PPP1R1C: variants seen among roughly 807,000 people sequenced by gnomAD.
The protein encoded by PPP1R1C is protein phosphatase 1 regulatory subunit 1C.
PPP1R1C carries 15 observed loss-of-function variants against 17.4 expected under a neutral mutation model. The ratio of observed to expected loss-of-function variants is 0.86; its 90% CI spans 0.58 to 1.33. The LOEUF (loss-of-function observed/expected upper bound fraction) is 1.33, where lower values mean the gene tolerates loss of function less well. Ranked by LOEUF, PPP1R1C falls within the 40% of genes most tolerant of loss-of-function variation. PPP1R1C has a pLI of 0.00. For missense variants in PPP1R1C, 143 were observed against 130.0 expected (o/e 1.10, Z -0.48); for synonymous variants, 35 against 43.1 (o/e 0.81, Z 0.73).
intron 2 of PPP1R1C, among the ~76,000 whole-genome samples, chr2:182,060,837 G>A (rs1687828022): frequency 1.3e-5 from 2 of 152,070 alleles, no homozygotes; most frequent in Admixed American, 1.3e-4. Flanking sequence ...ACATCTTCCT[G>A]CTGTGGAAGG....
At chr2:181,971,071 G>A (rs1156506333) in intron 1 of PPP1R1C, among the ~76,000 whole-genome samples, 1 of 152,078 alleles carries the variant, frequency 6.6e-6, no homozygotes, top group Non-Finnish European at 1.5e-5. Context: ...ACCCCATTGT[G>A]ACCAGGCTGT....
At chr2:182,063,676 G>C in intron 3 of PPP1R1C, 55 bp from the exon 4 acceptor site, 1 of 1,332,514 alleles carries the variant, frequency 7.5e-7, no homozygotes, top group African/African-American at 1.4e-5. Context: ...AGGTCTGATG[G>C]CATCGTACTT....
intron 3 of PPP1R1C, among the ~76,000 whole-genome samples, chr2:182,061,863 C>A (rs1197226255): frequency 6.6e-6 from 1 of 151,972 alleles, no homozygotes; most frequent in Non-Finnish European, 1.5e-5. Flanking sequence ...GTATGTGGAG[C>A]CAAAAGTCTG....
chr2:182,089,673 C>T (rs1185447634), intron 4 of PPP1R1C, among the ~76,000 whole-genome samples: 3 of 151,976 alleles, frequency 2.0e-5, no homozygotes, highest in South Asian at 2.1e-4. Context: ...TTTAAAACAA[C>T]GATATTCAAA....
chr2:182,020,344 C>T (rs763915363), intron 2 of PPP1R1C, among the ~76,000 whole-genome samples: 1 of 152,076 alleles, frequency 6.6e-6, no homozygotes, highest in Non-Finnish European at 1.5e-5. Flanking sequence ...CATGTTCATG[C>T]GTTCTGGAAT....
chr2:182,020,962 A>G (rs77269369), intron 2 of PPP1R1C, among the ~76,000 whole-genome samples: 6,318 of 152,164 alleles, frequency 0.042, 447 homozygotes, highest in African/African-American at 0.14. Flanking sequence ...CTTGATATCT[A>G]AGCTTCTGTT....
chr2:182,012,312 T>C (rs1456013705), intron 2 of PPP1R1C, among the ~76,000 whole-genome samples: 4 of 152,056 alleles, frequency 2.6e-5, no homozygotes, highest in Non-Finnish European at 5.9e-5. Flanking sequence ...ATGTTTACAA[T>C]TGTTAAATCC....
chr2:182,052,728 G>A (rs1574413145), intron 2 of PPP1R1C, among the ~76,000 whole-genome samples: 1 of 152,128 alleles, frequency 6.6e-6, no homozygotes, highest in African/African-American at 2.4e-5. Flanking sequence ...TTAATCTTAG[G>A]ATTAGTATTT....
chr2:182,104,028 G>T (rs1689177850), intron 4 of PPP1R1C, among the ~76,000 whole-genome samples: 1 of 152,210 alleles, frequency 6.6e-6, no homozygotes, highest in African/African-American at 2.4e-5. Context: ...TGTGTTTGGT[G>T]ATCAGAAAGC....
intron 4 of PPP1R1C, among the ~76,000 whole-genome samples, chr2:182,070,026 C>T (rs1688096316): frequency 6.6e-6 from 1 of 152,136 alleles, no homozygotes; most frequent in Non-Finnish European, 1.5e-5. Context: ...GGAGACCAGT[C>T]TGGAGGAAGC....
chr2:182,045,267 A>T lies in PPP1R1C; in HGVS notation c.143-16175A>T, dbSNP rs557151315. 8.4e-4 allele frequency among the ~76,000 whole-genome samples: 128 copies of T among 152,344 alleles called. 2 individuals are homozygous for T. The highest frequency in any genetic ancestry group is 6.4e-3 in the Admixed American group (98 of 15,298). On this transcript the variant is annotated intron_variant, in intron 2 of 4. Transcript: ENST00000682840. ...ATCCTTCAATCTTTAAAACTCAATA[A>T]ATAAAGCATTGCTTTTTTTGAGGCA...
At chr2:182,049,332 CAAAAAAA>C (rs3064024) in intron 2 of PPP1R1C, among the ~76,000 whole-genome samples, 1 of 77,966 alleles carries the variant, frequency 1.3e-5, no homozygotes, top group Non-Finnish European at 2.6e-5. Context: ...GATTCCATCT[CAAAAAAA>C]AAAAAAAAAA....
chr2:181,962,505 C>T lies in PPP1R1C; in HGVS notation n.111+7871C>T, dbSNP rs576354256. 7.6e-6 allele frequency: 5 copies of T among 662,226 alleles called. No individual in the cohort carries two copies. The South Asian group carries it at 7.8e-5, about 10-fold the overall frequency. The allele number at this position is 662,226 out of a possible 1,614,324, so 41.0% of individuals were successfully genotyped here. A position where few individuals can be genotyped will look rare whatever the true frequency, so the allele number is the denominator to read the frequency against. ...CTATCCAGGGAGGAGAGTGAGAGGA[C>T]AGGACTCAGGCTTTGCCGACCCGTC... On this transcript the variant is annotated intron_variant and non_coding_transcript_variant, in intron 1 of 5. Transcript: ENST00000464264. The surrounding 1 kb of genome is among the most constrained non-coding windows in gnomAD (Gnocchi z 6.0).
intron 2 of PPP1R1C, among the ~76,000 whole-genome samples, chr2:182,000,234 TGA>T (rs1685722695): frequency 6.6e-6 from 1 of 152,104 alleles, no homozygotes; most frequent in South Asian, 2.1e-4. Context: ...GGAGAGTAAA[TGA>T]GAGAACAAAT....
intron 2 of PPP1R1C, chr2:182,048,776 G>A (rs939637152): frequency 1.3e-5 from 2 of 152,096 alleles, no homozygotes; most frequent in Admixed American, 1.3e-4. Context: ...GTAATCCAAA[G>A]GTCGCTGTAA....
chr2:182,029,645 A>G (rs1189078020), intron 2 of PPP1R1C, among the ~76,000 whole-genome samples: 1 of 117,954 alleles, frequency 8.5e-6, no homozygotes, highest in African/African-American at 3.4e-5. Flanking sequence ...TGCCCTTAAC[A>G]TTTTTTCCTT....
chr2:182,038,318 C>T (rs1458187499), intron 2 of PPP1R1C, among the ~76,000 whole-genome samples: 2 of 152,128 alleles, frequency 1.3e-5, no homozygotes, highest in African/African-American at 4.8e-5. Flanking sequence ...AGATTATAGG[C>T]ACGAGCCACT....
intron 1 of PPP1R1C, among the ~76,000 whole-genome samples, chr2:181,958,304 A>G (rs977120128): frequency 2.0e-5 from 3 of 152,188 alleles, no homozygotes; most frequent in Non-Finnish European, 4.4e-5. Context: ...GTCATTTTCC[A>G]TAGCTTGCCC....
At chr2:181,997,971 T>C (rs752241212) in intron 2 of PPP1R1C, among the ~76,000 whole-genome samples, 5 of 152,240 alleles carry the variant, frequency 3.3e-5, no homozygotes, top group Admixed American at 6.5e-5. Flanking sequence ...CTCCATTCTA[T>C]AGGTTGAACC....
Sources: allele counts gnomAD v4.1 joint callset (sites outside exome capture counted in the v4.1 genomes callset), GRCh38; gene constraint gnomAD v4.1.1; non-coding constraint Gnocchi (gnomAD v3.1); transcripts MANE v1.5; gene names NCBI Gene and HGNC (gene_info 2026-07-23, HGNC 2026-07-21).